Variants in ZBTB20 observed in about 807,000 individuals in gnomAD.
ZBTB20 encodes the protein zinc finger and BTB domain containing 20, also known as zinc finger and BTB domain-containing protein 20.
A neutral mutation model predicts 56.9 loss-of-function variants in ZBTB20; 9 were observed. That is an observed-to-expected ratio of 0.16 (90% confidence interval 0.10 to 0.28). ZBTB20 has a LOEUF of 0.28. Ranked by LOEUF, ZBTB20 falls within the 10% of genes least tolerant of loss-of-function variation. The probability of loss-of-function intolerance (pLI) is 1.00; values close to 1 mark genes in which losing one functional copy is unlikely to be tolerated. For synonymous variants in ZBTB20, 417 were observed against 420.7 expected, an observed-to-expected ratio of 0.99 and a Z score of 0.11; for missense variants, 655 against 1,003.0, an observed-to-expected ratio of 0.65 and a Z score of 4.69.
At chr3:115,031,020 C>A (rs1219914470) in intron 2 of ZBTB20, among the ~76,000 whole-genome samples, 1 of 151,420 alleles carries the variant, frequency 6.6e-6, no homozygotes, top group Non-Finnish European at 1.5e-5. Context: ...TATTTACATA[C>A]ATCCCTTCAT....
chr3:115,041,461 G>A (rs2081139528), intron 2 of ZBTB20, among the ~76,000 whole-genome samples: 1 of 152,032 alleles, frequency 6.6e-6, no homozygotes, highest in Non-Finnish European at 1.5e-5. Context: ...TTGGGAACTA[G>A]GACAAGATTA....
chr3:115,109,190 C>T (rs1251777771), intron 1 of ZBTB20, among the ~76,000 whole-genome samples: 1 of 152,090 alleles, frequency 6.6e-6, no homozygotes, highest in African/African-American at 2.4e-5. Context: ...TTAAAAGTTT[C>T]CACATCTACA....
At chr3:114,650,467 AT>A (rs1218098100) in intron 6 of ZBTB20, among the ~76,000 whole-genome samples, 3 of 150,028 alleles carry the variant, frequency 2.0e-5, no homozygotes, top group Admixed American at 6.7e-5. Flanking sequence ...TTACAAAAAA[AT>A]ATTCTAACAG....
intron 6 of ZBTB20, chr3:114,519,969 G>C (rs1258583463): frequency 6.6e-6 from 1 of 151,842 alleles, no homozygotes; most frequent in East Asian, 1.9e-4. Context: ...GGTTATAGGG[G>C]TGACAAAAGG....
chr3:114,598,232 A>G (rs2056477530), intron 6 of ZBTB20, among the ~76,000 whole-genome samples: 1 of 152,152 alleles, frequency 6.6e-6, no homozygotes, highest in Admixed American at 6.6e-5. Context: ...TTTTGCCTGT[A>G]ACCATATAAT....
intron 10 of ZBTB20, chr3:114,378,843 G>C (rs111337713): frequency 1.3e-5 from 2 of 152,384 alleles, no homozygotes; most frequent in East Asian, 3.9e-4. Context: ...GTGACTATTA[G>C]GACGGTCCTC....
chr3:114,750,370 T>C (rs77879565), intron 5 of ZBTB20, among the ~76,000 whole-genome samples: 1 of 151,974 alleles, frequency 6.6e-6, no homozygotes, highest in African/African-American at 2.4e-5. Flanking sequence ...CATCGGACTG[T>C]AGGTGAAAAA....
chr3:114,397,809 TCC>T (rs556330606), intron 7 of ZBTB20, among the ~76,000 whole-genome samples: 1 of 152,110 alleles, frequency 6.6e-6, no homozygotes, highest in African/African-American at 2.4e-5. Flanking sequence ...GATTACAGAC[TCC>T]CCCATCCCCC....
Position 114,722,022 on chromosome 3 carries a change from G to A in ZBTB20, c.-342-28447C>T, listed in dbSNP as rs186714797. On this transcript the variant is annotated intron_variant, in intron 5 of 11. Transcript: ENST00000675478. ...GATTCTTCTTTCTAGTTTCACTAAT[G>A]TATATCTGGAGTATAGCACAGTTCT... Among the ~76,000 whole-genome samples, 7 of 152,248 alleles carry A rather than the reference G, an allele frequency of 4.6e-5. No homozygotes were observed. The East Asian group carries it at 1.3e-3, about 29-fold the overall frequency.
intron 2 of ZBTB20, among the ~76,000 whole-genome samples, chr3:115,044,107 C>T (rs1372691757): frequency 6.6e-6 from 1 of 152,184 alleles, no homozygotes; most frequent in Non-Finnish European, 1.5e-5. Context: ...CAGCACCATG[C>T]TTCCTGTACA....
Position 114,663,183 on chromosome 3 carries a change from G to A in ZBTB20, c.-295+30345C>T, listed in dbSNP as rs1329457060. On this transcript the variant is annotated intron_variant, in intron 6 of 11. Coordinates refer to ENST00000675478, the MANE Select transcript of ZBTB20 (RefSeq NM_001348800.3). The stretch of plus-strand genomic sequence containing the variant: ...AAGGGAAGCCCATCAGACTAACAGC[G>A]GATCTCTCGGCAGAAACCCTACAAG... Among the ~76,000 whole-genome samples the A allele has an allele frequency of 4.4e-3, 631 of 145,012 alleles. 3 individuals are homozygous for A. The highest frequency in any genetic ancestry group is 6.7e-3 in the Non-Finnish European group (439 of 65,704).
At chr3:114,402,113 T>C (rs1414429754) in intron 7 of ZBTB20, among the ~76,000 whole-genome samples, 1 of 152,206 alleles carries the variant, frequency 6.6e-6, no homozygotes, top group South Asian at 2.1e-4. Flanking sequence ...CTTTCTTTTC[T>C]CTTTTGATTG....
At chr3:115,014,416 A>G (rs1576566638) in intron 2 of ZBTB20, among the ~76,000 whole-genome samples, 1 of 151,832 alleles carries the variant, frequency 6.6e-6, no homozygotes, top group East Asian at 2.0e-4. Flanking sequence ...AAAAGTGTAC[A>G]ATTGGATTGT....
rs2079159978 is a variant in ZBTB20 at position 114,329,295 on chromosome 3, T to G, written c.*9710A>C. On this transcript the variant is annotated 3_prime_UTR_variant, in exon 12 of 12. Coordinates refer to ENST00000675478, the MANE Select transcript of ZBTB20 (RefSeq NM_001348800.3). ...ACCAGTGTGAGGGGGTCTTTTATAC[T>G]GAGGTTTTAAAAACCTGACTTCATT... 6.6e-6 allele frequency: 1 copy of G among 152,332 alleles called. No homozygotes were observed. The highest frequency in any genetic ancestry group is 2.4e-5 in the African/African-American group (1 of 41,582). The allele number at this position is 152,332 out of a possible 1,614,324, so 9.4% of individuals were successfully genotyped here.
intron 7 of ZBTB20, among the ~76,000 whole-genome samples, chr3:114,409,614 C>A (rs1559752088): frequency 1.3e-5 from 2 of 152,058 alleles, no homozygotes; most frequent in Non-Finnish European, 2.9e-5. Context: ...TAGGCTTGAA[C>A]CAGCTATAAT....
At chr3:114,683,815 C>T (rs1237247063) in intron 6 of ZBTB20, among the ~76,000 whole-genome samples, 2 of 152,002 alleles carry the variant, frequency 1.3e-5, no homozygotes, top group African/African-American at 2.4e-5. Context: ...TAGCAGAGAA[C>T]GGCTTCAGGT....
At chr3:115,065,845 C>A (rs1456381575) in intron 2 of ZBTB20, among the ~76,000 whole-genome samples, 8 of 152,124 alleles carry the variant, frequency 5.3e-5, no homozygotes, top group Non-Finnish European at 1.2e-4. Context: ...ATAGTGCCTC[C>A]TCAAATAGAT....
chr3:115,145,283 T>C (rs776494575), intron 1 of ZBTB20, among the ~76,000 whole-genome samples: 2 of 152,190 alleles, frequency 1.3e-5, no homozygotes, highest in African/African-American at 2.4e-5. Context: ...ATACAGATTC[T>C]TCATTTTAAA....
intron 4 of ZBTB20, among the ~76,000 whole-genome samples, chr3:114,804,169 T>C (rs1407964413): frequency 6.6e-6 from 1 of 151,952 alleles, no homozygotes; most frequent in Non-Finnish European, 1.5e-5. Context: ...AAATGCATTA[T>C]ATTGCAGTAA....
Sources: allele counts gnomAD v4.1 joint callset (sites outside exome capture counted in the v4.1 genomes callset), GRCh38; gene constraint gnomAD v4.1.1; transcripts MANE v1.5; gene names NCBI Gene and HGNC (gene_info 2026-07-23, HGNC 2026-07-21).